MTMR12: variants seen among roughly 807,000 people sequenced by gnomAD.
MTMR12 encodes the protein myotubularin related protein 12.
A neutral mutation model predicts 96.7 loss-of-function variants in MTMR12; 33 were observed. That is an observed-to-expected ratio of 0.34 (90% CI 0.26 to 0.46). The LOEUF (loss-of-function observed/expected upper bound fraction) is 0.46, where lower values mean the gene tolerates loss of function less well. Ranked by LOEUF, MTMR12 falls within the 20% of genes least tolerant of loss-of-function variation. The pLI is 1.00. For missense variants in MTMR12, 721 were observed against 896.1 expected (o/e 0.80, Z 2.49); for synonymous variants, 298 against 327.2 (o/e 0.91, Z 0.96).
chr5:32,269,406 T>G (rs1376867376), intron 5 of MTMR12, among the ~76,000 whole-genome samples: 1 of 151,888 alleles, frequency 6.6e-6, no homozygotes, highest in African/African-American at 2.4e-5. Context: ...TGGGTTTAAG[T>G]GATTCTCCTA....
Position 32,312,391 on chromosome 5 carries a change from G to C in MTMR12, c.81+367C>G, listed in dbSNP as rs564025974. Among the ~76,000 whole-genome samples the C allele has an allele frequency of 1.2e-3, 190 of 152,312 alleles. No individual in the cohort carries two copies. Among genetic ancestry groups the C allele is most frequent in the South Asian group, 2.7e-3 (13 of 4,830 alleles). On this transcript the variant is annotated intron_variant, in intron 1 of 15. Coordinates refer to ENST00000382142, the MANE Select transcript of MTMR12 (RefSeq NM_001040446.3). The surrounding 1 kb of genome is among the most constrained non-coding windows in gnomAD (Gnocchi z 5.0). ...GGCAGGACGGACCCACGCGGGCTCC[G>C]AGCAGGCCCCGTTGGGGGCTCCGAC...
At chr5:32,292,961 AT>A (rs1215840631) in intron 1 of MTMR12, among the ~76,000 whole-genome samples, 1 of 152,314 alleles carries the variant, frequency 6.6e-6, no homozygotes, top group East Asian at 1.9e-4. Context: ...CTTTTCCTTT[AT>A]CATATAAGAT....
chr5:32,234,534 GT>G (rs1289027226), intron 14 of MTMR12, among the ~76,000 whole-genome samples: 1 of 152,230 alleles, frequency 6.6e-6, no homozygotes, highest in African/African-American at 2.4e-5. Context: ...TGGTCTAACT[GT>G]CTTTCAAATG....
intron 7 of MTMR12, among the ~76,000 whole-genome samples, chr5:32,256,898 A>G (rs1376391790): frequency 6.6e-6 from 1 of 152,234 alleles, no homozygotes; most frequent in East Asian, 1.9e-4. Context: ...GAAAATCTAT[A>G]GATGAAGCAA....
At position 32,284,730 on chromosome 5, in the gene MTMR12, C is replaced by T. The variant is rs1193627950; in HGVS notation, c.82-7988G>A. 3.9e-5 allele frequency among the ~76,000 whole-genome samples: 6 copies of T among 152,190 alleles called. No individual in the cohort carries two copies. The South Asian group carries it at 1.0e-3, about 26-fold the overall frequency. ...TCTGCAGCTGTGAAACACGAGGTAA[C>T]ATTCCTCACTTATTCCACTAACTAT... On this transcript the variant is annotated intron_variant, in intron 1 of 15. Transcript: ENST00000382142.
At chr5:32,267,377 GA>G (rs751223074) in intron 6 of MTMR12, among the ~76,000 whole-genome samples, 35,597 of 89,774 alleles carry the variant, frequency 0.4, 4,771 homozygotes, top group Middle Eastern at 0.59. Context: ...CTCCATCTCA[GA>G]AAAAAAAAAA....
chr5:32,303,847 CAAAAAAAAAAA>C (rs57459005), intron 1 of MTMR12, among the ~76,000 whole-genome samples: 6 of 68,400 alleles, frequency 8.8e-5, no homozygotes, highest in Admixed American at 5.7e-4. Context: ...TTTGCCATCT[CAAAAAAAAAAA>C]AAAAAAAAAA....
intron 1 of MTMR12, among the ~76,000 whole-genome samples, chr5:32,308,809 T>C (rs1751458716): frequency 6.6e-6 from 1 of 152,082 alleles, no homozygotes; most frequent in Non-Finnish European, 1.5e-5. Flanking sequence ...TTCACCATGT[T>C]GGCCAGGATA....
chr5:32,240,398 C>CAAAAA (rs72026064), intron 12 of MTMR12, among the ~76,000 whole-genome samples: 9 of 100,072 alleles, frequency 9.0e-5, no homozygotes, highest in South Asian at 3.1e-4. Context: ...GACTCCGTCT[C>CAAAAA]AAAAAAAAAA....
chr5:32,298,885 G>A (rs1375232687), intron 1 of MTMR12, among the ~76,000 whole-genome samples: 21 of 150,824 alleles, frequency 1.4e-4, no homozygotes, highest in Admixed American at 2.0e-4. Flanking sequence ...CCCGGGAGGC[G>A]GAGCTTGCAG....
chr5:32,301,493 G>A (rs1212190528), intron 1 of MTMR12, among the ~76,000 whole-genome samples: 1 of 152,206 alleles, frequency 6.6e-6, no homozygotes, highest in African/African-American at 2.4e-5. Flanking sequence ...GGGACACATT[G>A]GGAAGTTGAT....
At chr5:32,247,372 G>A (rs1177463810) in intron 10 of MTMR12, among the ~76,000 whole-genome samples, 1 of 152,098 alleles carries the variant, frequency 6.6e-6, no homozygotes, top group Non-Finnish European at 1.5e-5. Flanking sequence ...GTCCAAGTTA[G>A]GAAAAGTTAT....
chr5:32,229,544 G>A lies in MTMR12; in HGVS notation c.*234C>T, dbSNP rs776033100. ...CAGAAAACGGCCACAACCCTATTAC[G>A]GGTCAAGTAATAATTCCTTCCAATT... is the stretch of plus-strand genomic sequence containing the variant. On this transcript the variant is annotated 3_prime_UTR_variant, in exon 16 of 16. Transcript: ENST00000382142. 8 of 375,388 alleles carry A rather than the reference G, an allele frequency of 2.1e-5. No individual in the cohort carries two copies. Among genetic ancestry groups the A allele is most frequent in the Admixed American group, 4.5e-5 (1 of 22,250 alleles). 23.3% of individuals were successfully genotyped at this position (375,388 alleles called of 1,614,324 possible).
At chr5:32,239,262 G>A (rs1318651084) in intron 12 of MTMR12, 89 bp from the exon 13 acceptor site, 1 of 1,320,960 alleles carries the variant, frequency 7.6e-7, no homozygotes, top group Admixed American at 2.9e-5. Flanking sequence ...ACAGTTAAAA[G>A]TAGGATTCCC....
intron 1 of MTMR12, among the ~76,000 whole-genome samples, chr5:32,300,507 T>C (rs557854142): frequency 2.0e-4 from 31 of 152,152 alleles, no homozygotes; most frequent in African/African-American, 6.7e-4. Flanking sequence ...TGCTCCTCTG[T>C]AACAGGACCA....
At chr5:32,303,865 A>C (rs950748353) in intron 1 of MTMR12, among the ~76,000 whole-genome samples, 1 of 151,606 alleles carries the variant, frequency 6.6e-6, no homozygotes, top group Non-Finnish European at 1.5e-5. Flanking sequence ...AAAAAAAAAA[A>C]AAAAAACCAC....
At chr5:32,301,415 A>G (rs529105652) in intron 1 of MTMR12, among the ~76,000 whole-genome samples, 3 of 152,360 alleles carry the variant, frequency 2.0e-5, no homozygotes, top group Admixed American at 6.5e-5. Context: ...AGTGGTTTGC[A>G]TAGACAGGAG....
rs1747825564 is a variant in MTMR12 at position 32,228,534 on chromosome 5, G to GATATATATATCATATATATGTGAT, written c.*1220_*1243dup. On this transcript the variant is annotated 3_prime_UTR_variant, in exon 16 of 16. Transcript: ENST00000382142. ...TAAAAAAAATATATATCATATATAT[G>GATATATATATCATATATATGTGAT]ATATATATATCATATATATGTGATA... 4.5e-4 allele frequency: 39 copies of GATATATATATCATATATATGTGAT among 87,530 alleles called. 1 individual carries two copies. The South Asian group carries it at 0.012, about 27-fold the overall frequency. The allele number at this position is 87,530 out of a possible 1,614,324, so 5.4% of individuals were successfully genotyped here.
At chr5:32,232,361 C>T (rs1464537505) in intron 15 of MTMR12, among the ~76,000 whole-genome samples, 1 of 152,256 alleles carries the variant, frequency 6.6e-6, no homozygotes, top group Non-Finnish European at 1.5e-5. Flanking sequence ...CTAGTGCAAC[C>T]TGAAATTCTC....
Sources: allele counts gnomAD v4.1 joint callset (sites outside exome capture counted in the v4.1 genomes callset), GRCh38; gene constraint gnomAD v4.1.1; non-coding constraint Gnocchi (gnomAD v3.1); transcripts MANE v1.5; gene names NCBI Gene and HGNC (gene_info 2026-07-23, HGNC 2026-07-21).